SH3PXD2A: variants seen among roughly 807,000 people sequenced by gnomAD.
SH3PXD2A encodes SH3 and PX domain-containing protein 2A.
Under a neutral mutation model 115.2 loss-of-function variants are expected in SH3PXD2A, and 32 were observed. The observed-to-expected ratio is 0.28, with a 90% CI of 0.21 to 0.37. SH3PXD2A has a LOEUF of 0.37. SH3PXD2A is among the 10% of genes least tolerant of loss of function. The pLI is 1.00. For synonymous variants in SH3PXD2A, 610 were observed against 629.1 expected (o/e 0.97, Z 0.45); for missense variants, 1,328 against 1,498.7 (o/e 0.89, Z 1.88).
intron 8 of SH3PXD2A, among the ~76,000 whole-genome samples, chr10:103,636,913 A>C (rs1311287619): frequency 1.3e-5 from 2 of 151,800 alleles, no homozygotes; most frequent in African/African-American, 4.8e-5. Context: ...TAGCTTTACC[A>C]CTCACTGTTG....
chr10:103,602,174 T>G lies in SH3PXD2A; in HGVS notation c.3044A>C (p.Asn1015Thr). 1 of 1,574,428 alleles carries G rather than the reference T, an allele frequency of 6.4e-7. No homozygotes were observed. Among genetic ancestry groups the G allele is most frequent in the African/African-American group, 1.4e-5 (1 of 74,020 alleles). ...GGAGCGAGCAGTGCTAAAGGAGGAG[T>G]TCCGTCGGACGCCTCGGAGGCCATC... ...ATDGLRGVRR[N>T]SSFSTARSAA... The change falls in exon 15 of 15, where the codon AAC becomes ACC. Residue 1015 changes from asparagine to threonine, a missense_variant. Around this residue, in one of 5 missense-constraint regions of SH3PXD2A, gnomAD observed 574 missense variants for 565.7 expected, o/e 1.01. Coordinates refer to ENST00000369774, the MANE Select transcript of SH3PXD2A (RefSeq NM_001394015.1).
chr10:103,662,101 G>T, intron 7 of SH3PXD2A: 1 of 404,528 alleles, frequency 2.5e-6, no homozygotes, highest in Non-Finnish European at 3.3e-6. Flanking sequence ...TTGTGGTCAG[G>T]CCCCGGCAGT....
At position 103,597,118 on chromosome 10, in the gene SH3PXD2A, G is replaced by A. The variant is rs538742467; in HGVS notation, c.*4698C>T. ...CTCTTCCCGGAGCAGAATTTGTATG[G>A]ACTCTCTGGGTGTGGAGCCCAGGCA... On this transcript the variant is annotated 3_prime_UTR_variant, in exon 15 of 15. Coordinates refer to ENST00000369774, the MANE Select transcript of SH3PXD2A (RefSeq NM_001394015.1). The A allele has an allele frequency of 2.0e-5, 3 of 152,758 alleles. No homozygotes were observed. Among genetic ancestry groups the A allele is most frequent in the African/African-American group, 7.2e-5 (3 of 41,576 alleles). The allele number at this position is 152,758 out of a possible 1,614,324, so 9.5% of individuals were successfully genotyped here.
intron 1 of SH3PXD2A, among the ~76,000 whole-genome samples, chr10:103,846,105 G>GAC (rs140514446): frequency 3.9e-5 from 6 of 152,014 alleles, no homozygotes; most frequent in Admixed American, 1.3e-4. Context: ...ATGCTGCATT[G>GAC]ACACACACAC....
intron 5 of SH3PXD2A, among the ~76,000 whole-genome samples, chr10:103,715,892 G>A (rs1055286752): frequency 6.6e-6 from 1 of 152,206 alleles, no homozygotes; most frequent in African/African-American, 2.4e-5. Context: ...AAGCAGGGCT[G>A]GCAGAGTTCA....
At chr10:103,608,150 T>TAAAAAAAAAAAAAAAAGTTTACAA (rs60345299) in intron 13 of SH3PXD2A, among the ~76,000 whole-genome samples, 5 of 32,654 alleles carry the variant, frequency 1.5e-4, no homozygotes, top group Admixed American at 8.3e-4. Flanking sequence ...ATGATCAATT[T>TAAAAAAAAAAAAAAAAGTTTACAA]AAAAAAAAAA....
At chr10:103,740,876 G>T (rs1248476582) in intron 3 of SH3PXD2A, among the ~76,000 whole-genome samples, 1 of 152,132 alleles carries the variant, frequency 6.6e-6, no homozygotes, top group Non-Finnish European at 1.5e-5. Flanking sequence ...GGCCTGCTGT[G>T]CTGGGCTCTG....
intron 14 of SH3PXD2A, 104 bp from the exon 15 acceptor site, chr10:103,603,893 A>AT: frequency 7.8e-7 from 1 of 1,285,340 alleles, no homozygotes; most frequent in Non-Finnish European, 1.0e-6. Flanking sequence ...AATTATCTCC[A>AT]TTTTACAGAT....
intron 5 of SH3PXD2A, among the ~76,000 whole-genome samples, chr10:103,711,843 C>A (rs1241797590): frequency 2.6e-5 from 4 of 152,098 alleles, no homozygotes; most frequent in Non-Finnish European, 5.9e-5. Context: ...TCGTTTGAAG[C>A]CAAGAATTTG....
intron 1 of SH3PXD2A, among the ~76,000 whole-genome samples, chr10:103,831,539 A>G (rs2039482807): frequency 6.6e-6 from 1 of 152,190 alleles, no homozygotes; most frequent in Non-Finnish European, 1.5e-5. Flanking sequence ...AACGTGTACA[A>G]TTTGGCTGGG....
Position 103,620,544 on chromosome 10 carries a change from C to A in SH3PXD2A, c.802+1926G>T, listed in dbSNP as rs1163677444. On this transcript the variant is annotated intron_variant, in intron 10 of 14. Coordinates refer to ENST00000369774, the MANE Select transcript of SH3PXD2A (RefSeq NM_001394015.1). This position sits in a 1 kb window ranked among gnomAD's most constrained non-coding sequence, Gnocchi z 5.3. ...GGGGAGCGGAGGCCGTGGGGAAGCT[C>A]CGCTTTTCTCTTGTCTAGCTCCTCC... Among the ~76,000 whole-genome samples, 1 of 152,214 alleles carries A rather than the reference C, an allele frequency of 6.6e-6. No individual in the cohort carries two copies. Among genetic ancestry groups the A allele is most frequent in the Non-Finnish European group, 1.5e-5 (1 of 68,044 alleles).
chr10:103,853,548 G>A (rs1359107639), intron 1 of SH3PXD2A, among the ~76,000 whole-genome samples: 1 of 152,218 alleles, frequency 6.6e-6, no homozygotes, highest in Non-Finnish European at 1.5e-5. Context: ...GAGCAAGACC[G>A]TCTAACTTCA....
chr10:103,821,692 A>G (rs1430504678), intron 1 of SH3PXD2A, among the ~76,000 whole-genome samples: 3 of 151,954 alleles, frequency 2.0e-5, no homozygotes, highest in Non-Finnish European at 4.4e-5. Context: ...CCCCACCACC[A>G]GTAGCTGGGA....
rs776186126 is a variant in SH3PXD2A at position 103,602,995 on chromosome 10, A to G, written c.2223T>C (p.Asp741=). Residue 741 remains aspartate, a synonymous_variant, in exon 15 of 15, where the codon GAT becomes GAC. Coordinates refer to ENST00000369774, the MANE Select transcript of SH3PXD2A (RefSeq NM_001394015.1). ...TPKVRAKKDA[D]ANAGLTSCPR... is the part of the protein sequence containing the mutation. ...GACAGGAGGTCAGCCCAGCGTTCGCATCAGCATCCTTCTTTGCCCTGACCT... is the reference window on the plus strand; with the variant it reads ...GACAGGAGGTCAGCCCAGCGTTCGCGTCAGCATCCTTCTTTGCCCTGACCT... 2 of 1,614,064 alleles carry G rather than the reference A, an allele frequency of 1.2e-6. No homozygotes were observed. Among genetic ancestry groups the G allele is most frequent in the African/African-American group, 2.7e-5 (2 of 74,938 alleles).
chr10:103,602,225 C>T lies in SH3PXD2A; in HGVS notation c.2993G>A (p.Arg998Gln), dbSNP rs146203698. The T allele has an allele frequency of 1.4e-4, 223 of 1,597,438 alleles. No homozygotes were observed. Among genetic ancestry groups the T allele is most frequent in the South Asian group, 2.0e-4 (18 of 87,980 alleles). The change falls in exon 15 of 15, where the codon CGG becomes CAG. Residue 998 changes from arginine to glutamine, a missense_variant. Physicochemically the swap from Arg to Gln is conservative, Grantham distance 43. Coordinates refer to ENST00000369774, the MANE Select transcript of SH3PXD2A (RefSeq NM_001394015.1). The stretch of plus-strand genomic sequence containing the variant: ...AGTGGCCGTGAGTGACTCATTCCTC[C>T]GCAGGGCGCAGGACAGGTTGTTGTC... Reference protein sequence around the residue: ...PKDNNLSCALRRNESLTATDG... With the variant: ...PKDNNLSCALQRNESLTATDG...
chr10:103,697,684 A>C (rs117963622), intron 5 of SH3PXD2A, among the ~76,000 whole-genome samples: 1,529 of 152,298 alleles, frequency 0.01, 11 homozygotes, highest in South Asian at 0.016. Flanking sequence ...AAGGGCTTGC[A>C]TTTTTATGCT....
chr10:103,771,653 T>C (rs2038821186), intron 2 of SH3PXD2A, among the ~76,000 whole-genome samples: 1 of 151,864 alleles, frequency 6.6e-6, no homozygotes, highest in South Asian at 2.1e-4. Context: ...GAGAATCGCT[T>C]GAACCTCGGA....
At chr10:103,708,543 GCACCC>G (rs2038009202) in intron 5 of SH3PXD2A, among the ~76,000 whole-genome samples, 2 of 152,168 alleles carry the variant, frequency 1.3e-5, no homozygotes, top group Non-Finnish European at 2.9e-5. Context: ...GAATGCCCCA[GCACCC>G]CTGCCCCCAG....
rs115033880 is a variant in SH3PXD2A, at chr10:103,818,743, C to T, written c.73-17381G>A. Among the ~76,000 whole-genome samples the T allele has an allele frequency of 2.2e-4, 34 of 152,232 alleles. 1 individual carries two copies. Among genetic ancestry groups the T allele is most frequent in the African/African-American group, 7.2e-4 (30 of 41,518 alleles). On this transcript the variant is annotated intron_variant, in intron 1 of 14. Transcript: ENST00000369774. ...CACCTTCTCTGGAAACACATTTCTC[C>T]CCTAGTTCCCAGTCCTGACTGTGGG...
Sources: allele counts gnomAD v4.1 joint callset (sites outside exome capture counted in the v4.1 genomes callset), GRCh38; gene constraint gnomAD v4.1.1; regional missense constraint gnomAD v4.1.1; non-coding constraint Gnocchi (gnomAD v3.1); transcripts MANE v1.5; gene names NCBI Gene and HGNC (gene_info 2026-07-23, HGNC 2026-07-21).